C4BPB: variants seen among roughly 807,000 people sequenced by gnomAD.
C4BPB encodes C4b-binding protein beta chain.
In C4BPB, 19 loss-of-function variants were observed where a neutral mutation model predicts 26.6. That is an observed-to-expected ratio of 0.71 (90% CI 0.50 to 1.05). The LOEUF (loss-of-function observed/expected upper bound fraction) is 1.05. Ranked by LOEUF, C4BPB falls within the 50% of genes least tolerant of loss-of-function variation. The pLI is 0.00. For missense variants in C4BPB, 282 were observed against 302.9 expected (o/e 0.93, Z 0.51); for synonymous variants, 118 against 103.5 (o/e 1.14, Z -0.85).
At chr1:207,095,438 C>T (rs763763235) in intron 4 of C4BPB, 2 of 456,076 alleles carry the variant, frequency 4.4e-6, no homozygotes, top group Non-Finnish European at 8.8e-6. Context: ...TCAAGCAGTT[C>T]TCATGCCTCA....
At position 207,090,351 on chromosome 1, in the gene C4BPB, T is replaced by G; in HGVS notation, c.102T>G (p.Phe34Leu). Residue 34 changes from phenylalanine to leucine, a missense_variant, in exon 3 of 7, where the codon TTT becomes TTG. Phe to Leu is a conservative substitution (Grantham distance 22). Transcript: ENST00000367078. Reference protein sequence around the residue: ...PELPPVDNSIFVAKEVEGQIL... With the variant: ...PELPPVDNSILVAKEVEGQIL... ...TTCCTCCAGTGGACAATAGCATATTTGTCGCAAAGGAGGTGGAAGGACAGA... is the reference window on the plus strand; with the variant it reads ...TTCCTCCAGTGGACAATAGCATATTGGTCGCAAAGGAGGTGGAAGGACAGA... The G allele has an allele frequency of 6.2e-7, 1 of 1,613,898 alleles. No homozygotes were observed. The highest frequency in any genetic ancestry group is 8.5e-7 in the Non-Finnish European group (1 of 1,179,920).
chr1:207,095,367 G>GT (rs761627825), intron 4 of C4BPB: 62 of 456,578 alleles, frequency 1.4e-4, no homozygotes, highest in Middle Eastern at 6.5e-4. Flanking sequence ...GTCTTGCTCT[G>GT]TTTCCCAGGC....
At chr1:207,093,754 T>C (rs938871906) in intron 4 of C4BPB, among the ~76,000 whole-genome samples, 1 of 152,032 alleles carries the variant, frequency 6.6e-6, no homozygotes, top group African/African-American at 2.4e-5. Context: ...AGGAAGAAAA[T>C]GGGCAGATTT....
intron 4 of C4BPB, chr1:207,095,781 A>G (rs994736124): frequency 5.8e-5 from 16 of 278,126 alleles, no homozygotes; most frequent in African/African-American, 3.6e-4. Flanking sequence ...GTCTAGCACC[A>G]TCTCCCTAGG....
intron 1 of C4BPB, 121 bp from the exon 2 acceptor site, chr1:207,089,361 C>A (rs965909471): frequency 3.5e-6 from 2 of 579,090 alleles, no homozygotes; most frequent in South Asian, 2.4e-5. Context: ...GATTTCCTGT[C>A]GTAAGATTTT....
In C4BPB at chr1:207,099,281, T is replaced by C. The variant is rs370497797; in HGVS notation, c.619-508T>C. Among the ~76,000 whole-genome samples the C allele has an allele frequency of 2.1e-4, 32 of 152,320 alleles. 1 individual carries two copies. Among genetic ancestry groups the C allele is most frequent in the African/African-American group, 7.2e-4 (30 of 41,576 alleles). On this transcript the variant is annotated intron_variant, in intron 6 of 6. Coordinates refer to ENST00000367078, the MANE Select transcript of C4BPB (RefSeq NM_001017365.3). ...GTTTCACGCTCTTATGAGAATCTAA[T>C]GCCACCTCTGACCTGACAGGAGGTG...
chr1:207,097,200 G>A (rs776045468), intron 5 of C4BPB, among the ~76,000 whole-genome samples: 1 of 151,850 alleles, frequency 6.6e-6, no homozygotes, highest in Non-Finnish European at 1.5e-5. Context: ...AAAATGTATG[G>A]GTTTTTTGTT....
rs776365834 is a variant in C4BPB, at chr1:207,089,525, T to C, written c.-7T>C. On this transcript the variant is annotated 5_prime_UTR_variant, in exon 2 of 7. Coordinates refer to ENST00000367078, the MANE Select transcript of C4BPB (RefSeq NM_001017365.3). ...TTCCAGCCTGGGGAGAGGACTTTGATCACCAGATGTTTTTTTGGTGTGCGT... is the reference window on the plus strand; with the variant it reads ...TTCCAGCCTGGGGAGAGGACTTTGACCACCAGATGTTTTTTTGGTGTGCGT... 6.2e-7 allele frequency: 1 copy of C among 1,613,966 alleles called. No homozygotes were observed. The highest frequency in any genetic ancestry group is 1.1e-5 in the South Asian group (1 of 91,064).
chr1:207,097,425 C>A (rs1256575779), intron 5 of C4BPB, among the ~76,000 whole-genome samples: 1 of 151,084 alleles, frequency 6.6e-6, no homozygotes, highest in African/African-American at 2.4e-5. Context: ...GTTGCTCAGG[C>A]TGGTCTTGAA....
intron 6 of C4BPB, among the ~76,000 whole-genome samples, chr1:207,098,884 A>C (rs1166333949): frequency 6.6e-6 from 1 of 152,074 alleles, no homozygotes; most frequent in Non-Finnish European, 1.5e-5. Flanking sequence ...GTGATGAGAG[A>C]CAGTGACAGA....
rs377549843 is a variant in C4BPB at position 207,095,891 on chromosome 1, T to A, written c.410-631T>A. On this transcript the variant is annotated intron_variant, in intron 4 of 6. Coordinates refer to ENST00000367078, the MANE Select transcript of C4BPB (RefSeq NM_001017365.3). ...TCGTTCCTGCACCTGTTATGTGAGA[T>A]GCCTCCCTCCCCCTTTGCCTTCTGC... The A allele has an allele frequency of 2.2e-4, 39 of 178,370 alleles. 1 individual carries two copies. The East Asian group carries it at 6.4e-3, about 29-fold the overall frequency. 11.0% of individuals were successfully genotyped at this position (178,370 alleles called of 1,614,324 possible). A position where few individuals can be genotyped will look rare whatever the true frequency, so the allele number is the denominator to read the frequency against.
intron 5 of C4BPB, chr1:207,097,754 A>G (rs938690348): frequency 3.4e-5 from 6 of 176,190 alleles, no homozygotes; most frequent in South Asian, 1.4e-4. Context: ...GCTCCTTTTT[A>G]GCCCCTTCGC....
At chr1:207,096,654 C>T (rs1358883044) in intron 5 of C4BPB, 39 bp downstream of exon 5, 1 of 1,171,284 alleles carries the variant, frequency 8.5e-7, no homozygotes, top group African/African-American at 1.6e-5. Flanking sequence ...GATCTTGCCC[C>T]TTGGCAGCAT....
At chr1:207,099,702 A>T in intron 6 of C4BPB, 87 bp from the exon 7 acceptor site, 1 of 1,086,404 alleles carries the variant, frequency 9.2e-7, no homozygotes, top group Non-Finnish European at 1.3e-6. Context: ...CCCCATTCAG[A>T]GAGCTAACTG....
chr1:207,098,597 G>A (rs1346847821), intron 6 of C4BPB, among the ~76,000 whole-genome samples: 2 of 152,144 alleles, frequency 1.3e-5, no homozygotes, highest in Non-Finnish European at 2.9e-5. Flanking sequence ...CACGGATGGG[G>A]GTGGGGAGAG....
chr1:207,099,753 T>G (rs1217528705), intron 6 of C4BPB, 36 bp from the exon 7 acceptor site: 2 of 1,596,880 alleles, frequency 1.3e-6, no homozygotes, highest in African/African-American at 2.7e-5. Flanking sequence ...GTCTCAGTCC[T>G]TATGTTGTAA....
intron 4 of C4BPB, among the ~76,000 whole-genome samples, chr1:207,093,672 A>C (rs1369077160): frequency 6.6e-6 from 1 of 152,140 alleles, no homozygotes. Context: ...AGAAAACATG[A>C]GATAATATAT....
chr1:207,098,033 G>T, intron 5 of C4BPB, 117 bp from the exon 6 acceptor site: 1 of 771,960 alleles, frequency 1.3e-6, no homozygotes, highest in Non-Finnish European at 2.2e-6. Context: ...GAGGCTCAAG[G>T]GCAGGGAGGT....
chr1:207,095,448 A>T (rs1446788256), intron 4 of C4BPB: 1 of 455,532 alleles, frequency 2.2e-6, no homozygotes, highest in Non-Finnish European at 4.4e-6. Context: ...CTCATGCCTC[A>T]GCCTCCCAAG....
Sources: gnomAD v4.1 joint callset for allele counts (sites outside exome capture counted in the v4.1 genomes callset) on GRCh38, gnomAD v4.1.1 for gene constraint, MANE v1.5 for transcripts, NCBI Gene and HGNC (gene_info 2026-07-23, HGNC 2026-07-21) for gene names.